The following RAP1A variants were observed in gnomAD, a reference collection of about 807,000 sequenced individuals.
The protein encoded by RAP1A is ras-related protein Rap-1A.
Under a neutral mutation model 26.4 loss-of-function variants are expected in RAP1A, and 6 were observed. The observed-to-expected ratio is 0.23, with a 90% CI of 0.12 to 0.45. The LOEUF (loss-of-function observed/expected upper bound fraction) is 0.45. RAP1A is among the 20% of genes least tolerant of loss of function. The probability of loss-of-function intolerance (pLI) is 0.99; values close to 1 mark genes in which losing one functional copy is unlikely to be tolerated. For synonymous variants in RAP1A, 73 were observed against 79.4 expected, an observed-to-expected ratio of 0.92 and a Z score of 0.43; for missense variants, 121 against 217.2, an observed-to-expected ratio of 0.56 and a Z score of 2.78.
intron 1 of RAP1A, among the ~76,000 whole-genome samples, chr1:111,562,084 A>G (rs1030546172): frequency 6.6e-6 from 1 of 151,934 alleles, no homozygotes; most frequent in Admixed American, 6.6e-5. Context: ...ATTCAATAAC[A>G]TCATATGTGT....
chr1:111,552,350 TAA>T (rs1166450043), intron 1 of RAP1A, among the ~76,000 whole-genome samples: 5 of 152,244 alleles, frequency 3.3e-5, no homozygotes, highest in Non-Finnish European at 7.3e-5. Context: ...AGGCAAGTTA[TAA>T]TGTCACAAGT....
At chr1:111,547,023 G>A (rs866706528) in intron 1 of RAP1A, among the ~76,000 whole-genome samples, 5 of 152,236 alleles carry the variant, frequency 3.3e-5, no homozygotes, top group Middle Eastern at 3.4e-3. Flanking sequence ...TGTTCTTTTT[G>A]ATGCTGTTGT....
chr1:111,655,082 G>C (rs953015128), intron 1 of RAP1A, among the ~76,000 whole-genome samples: 3 of 151,842 alleles, frequency 2.0e-5, no homozygotes, highest in Non-Finnish European at 4.4e-5. Context: ...TAGCAAAAGA[G>C]AGTTTCTAAA....
chr1:111,615,718 C>T (rs1428789390), upstream of RAP1A, among the ~76,000 whole-genome samples: 3 of 151,080 alleles, frequency 2.0e-5, no homozygotes, highest in Non-Finnish European at 4.4e-5. Context: ...GTAGTCCCAG[C>T]TACTCGGGAG....
intron 1 of RAP1A, among the ~76,000 whole-genome samples, chr1:111,658,559 T>G (rs905552145): frequency 6.6e-6 from 1 of 152,188 alleles, no homozygotes; most frequent in Admixed American, 6.5e-5. Context: ...ACATTTTTGT[T>G]AAAAACTAAG....
intron 1 of RAP1A, among the ~76,000 whole-genome samples, chr1:111,627,885 A>G (rs1023024903): frequency 3.3e-5 from 5 of 152,056 alleles, no homozygotes; most frequent in African/African-American, 1.2e-4. Context: ...GTAAAACTAA[A>G]TTATTTCAGA....
At chr1:111,579,119 C>T (rs759209404) in intron 1 of RAP1A, among the ~76,000 whole-genome samples, 1 of 152,168 alleles carries the variant, frequency 6.6e-6, no homozygotes, top group African/African-American at 2.4e-5. Context: ...AGCTCATCAA[C>T]TCTTGTTTGA....
chr1:111,634,609 A>ATATG lies in RAP1A; in HGVS notation c.-28+14691_-28+14694dup, dbSNP rs1282799955. Among the ~76,000 whole-genome samples the ATATG allele has an allele frequency of 5.3e-4, 80 of 150,586 alleles. No individual in the cohort carries two copies. In the Middle Eastern group the frequency reaches 0.014, roughly 26 times the overall value. The stretch of plus-strand genomic sequence containing the variant: ...TTATGAACTTTACATTTATATATAT[A>ATATG]TATGTATGTATGTATGTATTTATTT... On this transcript the variant is annotated intron_variant, in intron 1 of 7. Transcript: ENST00000369709.
chr1:111,658,655 GT>G (rs1188126278), intron 1 of RAP1A, among the ~76,000 whole-genome samples: 2 of 152,214 alleles, frequency 1.3e-5, no homozygotes, highest in African/African-American at 4.8e-5. Context: ...CAGCTCCATT[GT>G]AATCCTATGG....
intron 1 of RAP1A, among the ~76,000 whole-genome samples, chr1:111,690,048 G>A (rs973008257): frequency 1.3e-5 from 2 of 152,086 alleles, no homozygotes; most frequent in African/African-American, 2.4e-5. Flanking sequence ...ATTTTATATG[G>A]TTGAGTGGTG....
upstream of RAP1A, among the ~76,000 whole-genome samples, chr1:111,619,448 CTTAG>C (rs1335445475): frequency 6.6e-6 from 1 of 152,220 alleles, no homozygotes; most frequent in East Asian, 1.9e-4. Context: ...AACCTCTGCG[CTTAG>C]TTAGAACAGC....
chr1:111,652,736 G>T (rs1045551234), intron 1 of RAP1A, among the ~76,000 whole-genome samples: 1 of 152,270 alleles, frequency 6.6e-6, no homozygotes, highest in African/African-American at 2.4e-5. Context: ...TGGCCAGGAT[G>T]TAGAGAGATT....
intron 1 of RAP1A, among the ~76,000 whole-genome samples, chr1:111,559,013 C>T (rs1261870161): frequency 6.6e-6 from 1 of 152,034 alleles, no homozygotes; most frequent in African/African-American, 2.4e-5. Context: ...TCCCAGAGAC[C>T]AAGTTCTCTG....
chr1:111,677,592 T>G (rs768172221), intron 1 of RAP1A, among the ~76,000 whole-genome samples: 7 of 152,328 alleles, frequency 4.6e-5, no homozygotes, highest in Non-Finnish European at 8.8e-5. Context: ...TTCACTAACA[T>G]AATTGGCAAG....
intron 1 of RAP1A, among the ~76,000 whole-genome samples, chr1:111,630,682 T>C (rs1659543057): frequency 6.6e-6 from 1 of 152,076 alleles, no homozygotes; most frequent in Non-Finnish European, 1.5e-5. Context: ...TATAACAGTA[T>C]ATAAGAAGAA....
At chr1:111,574,597 G>A (rs1571478536) in intron 1 of RAP1A, among the ~76,000 whole-genome samples, 1 of 152,216 alleles carries the variant, frequency 6.6e-6, no homozygotes, top group Admixed American at 6.5e-5. Context: ...AACATGGAAG[G>A]TTTTTCCATT....
At chr1:111,670,856 A>G (rs1171532268) in intron 1 of RAP1A, among the ~76,000 whole-genome samples, 1 of 152,246 alleles carries the variant, frequency 6.6e-6, no homozygotes, top group African/African-American at 2.4e-5. Flanking sequence ...TCATAATAGT[A>G]TATCAAGTCT....
intron 4 of RAP1A, among the ~76,000 whole-genome samples, chr1:111,702,136 G>A (rs535508992): frequency 2.4e-4 from 37 of 152,304 alleles, no homozygotes; most frequent in African/African-American, 7.9e-4. Context: ...AGAGGTAGTG[G>A]TCATGGGGAA....
chr1:111,649,493 C>G (rs485540), intron 1 of RAP1A: 43,126 of 312,560 alleles, frequency 0.14, 3,515 homozygotes, highest in Admixed American at 0.23. Context: ...GCTGCCTTGA[C>G]AGAGCTTAGG....
Sources: gnomAD v4.1 joint callset for allele counts (sites outside exome capture counted in the v4.1 genomes callset) on GRCh38, gnomAD v4.1.1 for gene constraint, MANE v1.5 for transcripts, NCBI Gene and HGNC (gene_info 2026-07-23, HGNC 2026-07-21) for gene names.